CMSS1: variants seen among roughly 807,000 people sequenced by gnomAD.
CMSS1 encodes the protein cms1 ribosomal small subunit homolog, also known as protein CMSS1.
CMSS1 carries 33 observed loss-of-function variants against 43.5 expected under a neutral mutation model. The ratio of observed to expected loss-of-function variants is 0.76; its 90% CI spans 0.57 to 1.01. The LOEUF is 1.01. Among genes scored for constraint, CMSS1 ranks in the 50% least tolerant of loss-of-function variants. CMSS1 has a pLI of 0.00. For missense variants in CMSS1, 313 were observed against 326.4 expected, an observed-to-expected ratio of 0.96 and a Z score of 0.32; for synonymous variants, 115 against 117.2, an observed-to-expected ratio of 0.98 and a Z score of 0.12.
chr3:99,844,141 G>A (rs1386354753), intron 1 of CMSS1, among the ~76,000 whole-genome samples: 1 of 152,180 alleles, frequency 6.6e-6, no homozygotes, highest in East Asian at 1.9e-4. Flanking sequence ...AGCACTGGGA[G>A]AGAGTATCTT....
chr3:99,828,450 CTTT>C (rs540949688), intron 1 of CMSS1, among the ~76,000 whole-genome samples: 4 of 137,254 alleles, frequency 2.9e-5, no homozygotes, highest in Non-Finnish European at 4.7e-5. Context: ...TCACTGCACC[CTTT>C]TTTTTTTTTT....
At position 100,122,783 on chromosome 3, in the gene CMSS1, A is replaced by C. The variant is rs1216344339; in HGVS notation, c.65-24190A>C. Among the ~76,000 whole-genome samples, 4 of 152,230 alleles carry C rather than the reference A, an allele frequency of 2.6e-5. No homozygotes were observed. The South Asian group carries it at 8.3e-4, about 31-fold the overall frequency. ...CAGCTCTCCATTCTCTCAGCTTCTT[A>C]AGTCCAGTCAGGGTGGTCCTGGTTA... On this transcript the variant is annotated intron_variant, in intron 1 of 9. Transcript: ENST00000421999.
intron 1 of CMSS1, chr3:100,051,086 A>G (rs1252632513): frequency 6.6e-6 from 1 of 152,176 alleles, no homozygotes; most frequent in South Asian, 2.1e-4. Flanking sequence ...TTATTTTTAA[A>G]CCATCATTTG....
At chr3:99,967,081 A>C (rs1249692790) in intron 1 of CMSS1, among the ~76,000 whole-genome samples, 1 of 152,212 alleles carries the variant, frequency 6.6e-6, no homozygotes. Context: ...TGAAAAAGAA[A>C]GGATAAAGTT....
At chr3:99,991,871 T>TAC (rs1273303758) in intron 1 of CMSS1, among the ~76,000 whole-genome samples, 7 of 149,958 alleles carry the variant, frequency 4.7e-5, no homozygotes, top group African/African-American at 1.7e-4. Flanking sequence ...TGTATATATA[T>TAC]ACACACATAT....
intron 1 of CMSS1, among the ~76,000 whole-genome samples, chr3:100,069,944 A>G (rs573746988): frequency 3.3e-5 from 5 of 152,354 alleles, no homozygotes; most frequent in Admixed American, 3.3e-4. Context: ...GGGTAATTCA[A>G]GTCTATGGTA....
At chr3:100,066,029 A>T (rs1192971218) in intron 1 of CMSS1, among the ~76,000 whole-genome samples, 2 of 152,226 alleles carry the variant, frequency 1.3e-5, no homozygotes, top group African/African-American at 4.8e-5. Flanking sequence ...AGATTATTCT[A>T]ATGCACATTA....
intron 1 of CMSS1, among the ~76,000 whole-genome samples, chr3:99,828,628 T>C (rs960306495): frequency 9.9e-5 from 15 of 151,288 alleles, no homozygotes; most frequent in East Asian, 3.9e-4. Context: ...TTTTTTTTTT[T>C]TTCTTTTCGG....
chr3:99,991,038 C>G lies in CMSS1; in HGVS notation c.65-155935C>G, dbSNP rs369879502. On this transcript the variant is annotated intron_variant, in intron 1 of 9. Coordinates refer to ENST00000421999, the MANE Select transcript of CMSS1 (RefSeq NM_032359.4). The stretch of plus-strand genomic sequence containing the variant: ...CACAAATGACAAAGATGCCCATAAT[C>G]TGGTCCATGAGTTCCCGTAAGGACA... Among the ~76,000 whole-genome samples, 13 of 152,254 alleles carry G rather than the reference C, an allele frequency of 8.5e-5. No homozygotes were observed. In the East Asian group the frequency reaches 2.3e-3, roughly 27 times the overall value.
chr3:99,911,273 T>A (rs1706778986), intron 1 of CMSS1, among the ~76,000 whole-genome samples: 1 of 150,754 alleles, frequency 6.6e-6, no homozygotes, highest in Admixed American at 6.6e-5. Context: ...CTCTTGGGTG[T>A]TTTGCTCGTA....
chr3:99,979,399 T>G (rs1485205860), intron 1 of CMSS1, among the ~76,000 whole-genome samples: 1 of 152,210 alleles, frequency 6.6e-6, no homozygotes, highest in African/African-American at 2.4e-5. Flanking sequence ...AGTAGAATGA[T>G]TCTAAAGATG....
chr3:100,100,944 G>A (rs1245945401), intron 1 of CMSS1, among the ~76,000 whole-genome samples: 1 of 152,136 alleles, frequency 6.6e-6, no homozygotes, highest in African/African-American at 2.4e-5. Context: ...TTGTGTGTTA[G>A]TGGTCAGTTT....
intron 1 of CMSS1, among the ~76,000 whole-genome samples, chr3:99,915,630 TAA>T (rs938791437): frequency 6.8e-6 from 1 of 146,542 alleles, no homozygotes; most frequent in Non-Finnish European, 1.5e-5. Context: ...CTTAATGGTT[TAA>T]AAAAAAAAAA....
chr3:99,820,369 G>A (rs1476683969), intron 1 of CMSS1, among the ~76,000 whole-genome samples: 3 of 151,728 alleles, frequency 2.0e-5, no homozygotes, highest in Non-Finnish European at 1.5e-5. Context: ...GCTAATTTTT[G>A]TATTTTTAGT....
intron 1 of CMSS1, among the ~76,000 whole-genome samples, chr3:99,952,636 A>G (rs1708210060): frequency 6.6e-6 from 1 of 152,184 alleles, no homozygotes; most frequent in South Asian, 2.1e-4. Context: ...AAACACATAC[A>G]CACAGAGAGA....
intron 1 of CMSS1, among the ~76,000 whole-genome samples, chr3:99,973,704 G>A (rs1398550991): frequency 1.3e-5 from 2 of 152,158 alleles, no homozygotes. Context: ...AAAAATAAAT[G>A]GATCTGCACT....
chr3:99,831,459 CT>C (rs1163166273), intron 1 of CMSS1, among the ~76,000 whole-genome samples: 2 of 152,108 alleles, frequency 1.3e-5, no homozygotes, highest in African/African-American at 4.8e-5. Context: ...AAAAGGAACA[CT>C]AAATTGTTTT....
chr3:99,852,324 A>G (rs779294834), intron 1 of CMSS1, among the ~76,000 whole-genome samples: 5 of 152,258 alleles, frequency 3.3e-5, no homozygotes, highest in Non-Finnish European at 7.3e-5. Context: ...GAGAATTCAT[A>G]AAACTTTAAT....
At chr3:100,173,346 C>A (rs9814549) in intron 8 of CMSS1, among the ~76,000 whole-genome samples, 56,147 of 152,016 alleles carry the variant, frequency 0.37, 10,499 homozygotes, top group South Asian at 0.46. Flanking sequence ...ACATATGTTA[C>A]CTCATTTAGC....
Sources: gnomAD v4.1 joint callset for allele counts (sites outside exome capture counted in the v4.1 genomes callset) on GRCh38, gnomAD v4.1.1 for gene constraint, MANE v1.5 for transcripts, NCBI Gene and HGNC (gene_info 2026-07-23, HGNC 2026-07-21) for gene names.